PKDREJ: variants seen among roughly 807,000 people sequenced by gnomAD.
The protein encoded by PKDREJ is PKD and REJ homolog.
For missense variants in PKDREJ, 2,507 were observed against 2,807.2 expected (o/e 0.89, Z 2.42); for synonymous variants, 1,031 against 1,095.5 (o/e 0.94, Z 1.16).
rs1936707365 is a variant in PKDREJ, at chr22:46,262,402, G to C, written c.921C>G (p.Phe307Leu). 1 of 1,613,920 alleles carries C rather than the reference G, an allele frequency of 6.2e-7. No individual in the cohort carries two copies. Among genetic ancestry groups the C allele is most frequent in the Non-Finnish European group, 8.5e-7 (1 of 1,179,906 alleles). ...GGTTCCCTGTGGTGATGGACACCGT[G>C]AAATTAAACACATACACTCCCCACT... Reference protein sequence around the residue: ...SLQWGVYVFNFTVSITTGNPK... With the variant: ...SLQWGVYVFNLTVSITTGNPK... Residue 307 changes from phenylalanine to leucine, a missense_variant, in exon 1 of 1, where the codon TTC becomes TTG. Phe to Leu is a conservative substitution (Grantham distance 22). Coordinates refer to ENST00000253255, the MANE Select transcript of PKDREJ (RefSeq NM_006071.2). This position sits in a 1 kb window ranked among gnomAD's most constrained non-coding sequence, Gnocchi z 8.1.
rs145798089 is a variant in PKDREJ, at chr22:46,259,117, A to G, written c.4206T>C (p.Leu1402=). 317 of 1,613,906 alleles carry G rather than the reference A, an allele frequency of 2.0e-4. 1 individual carries two copies. In the African/African-American group the frequency reaches 3.7e-3, roughly 19 times the overall value. ...CCLAMLLSSL[L]CNIMFFNLNR... The stretch of plus-strand genomic sequence containing the variant: ...TTAGATTAAAGAACATAATGTTACA[A>G]AGAAGAGAGCTAAGCAACATTGCTA... The change falls in exon 1 of 1, where the codon CTT becomes CTC. Residue 1402 remains leucine (L), a synonymous_variant. Coordinates refer to ENST00000253255, the MANE Select transcript of PKDREJ (RefSeq NM_006071.2). The surrounding 1 kb of genome is among the most constrained non-coding windows in gnomAD (Gnocchi z 6.8).
Position 46,256,630 on chromosome 22 carries a change from G to C in PKDREJ, c.6693C>G (p.Asn2231Lys), listed in dbSNP as rs1224072926. The part of the protein sequence containing the change: ...IDMLYGQPEK[N>K]SHRYLGLKTR... ...TCTTCAGCCCCAGATAACGGTGGCTGTTCTTCTCTGGCTGCCCATACAGCA... is the reference window on the plus strand; with the variant it reads ...TCTTCAGCCCCAGATAACGGTGGCTCTTCTTCTCTGGCTGCCCATACAGCA... Residue 2231 changes from asparagine to lysine, a missense_variant, in exon 1 of 1, where the codon AAC (asparagine) becomes AAG (lysine). Physicochemically the swap from Asn to Lys is moderately conservative, Grantham distance 94. Transcript: ENST00000253255. This position sits in a 1 kb window ranked among gnomAD's most constrained non-coding sequence, Gnocchi z 5.3. 1.9e-6 allele frequency: 3 copies of C among 1,614,066 alleles called. No homozygotes were observed. The highest frequency in any genetic ancestry group is 4.5e-5 in the East Asian group (2 of 44,900).
chr22:46,262,230 C>G lies in PKDREJ; in HGVS notation c.1093G>C (p.Asp365His), dbSNP rs143216171. ...ILDGSTSSDPDADSPLQGLQF... is the reference protein window; with the variant it reads ...ILDGSTSSDPHADSPLQGLQF... ...AGTCCCTGTAACGGGCTGTCCGCAT[C>G]TGGGTCCGAGGACGTGGACCCGTCC... Residue 365 changes from aspartate to histidine, a missense_variant, in exon 1 of 1, where the codon GAT becomes CAT. Transcript: ENST00000253255. This position sits in a 1 kb window ranked among gnomAD's most constrained non-coding sequence, Gnocchi z 8.1. The G allele has an allele frequency of 3.1e-6, 5 of 1,614,212 alleles. No individual in the cohort carries two copies. The highest frequency in any genetic ancestry group is 3.4e-6 in the Non-Finnish European group (4 of 1,180,042).
chr22:46,258,522 T>G lies in PKDREJ; in HGVS notation c.4801A>C (p.Thr1601Pro). ...TCTATTGACTTGTCATAGCCGTAAG[T>G]CAGTCCATAAAATACAATGAAGAAT... ...SSFFIVFYGL[T>P]YGYDKSIEWL... Residue 1601 changes from threonine (T) to proline (P), a missense_variant, in exon 1 of 1, where the codon ACT (threonine) becomes CCT (proline). Physicochemically the swap from Thr to Pro is conservative, Grantham distance 38. Transcript: ENST00000253255. This position sits in a 1 kb window ranked among gnomAD's most constrained non-coding sequence, Gnocchi z 6.1. The G allele has an allele frequency of 6.2e-7, 1 of 1,614,180 alleles. No homozygotes were observed. The highest frequency in any genetic ancestry group is 1.6e-4 in the Middle Eastern group (1 of 6,062).
chr22:46,261,509 C>T lies in PKDREJ; in HGVS notation c.1814G>A (p.Ser605Asn). 1.2e-6 allele frequency: 2 copies of T among 1,614,024 alleles called. No individual in the cohort carries two copies. Among genetic ancestry groups the T allele is most frequent in the Non-Finnish European group, 1.7e-6 (2 of 1,179,876 alleles). ...TYKIIVSDLHSVGEISSVKEN... is the reference protein window; with the variant it reads ...TYKIIVSDLHNVGEISSVKEN... ...TTTTACTGAACTGATTTCACCAACA[C>T]TGTGCAAATCAGAAACAATTATTTT... The change falls in exon 1 of 1, where the codon AGT becomes AAT. Residue 605 changes from serine to asparagine, a missense_variant. Transcript: ENST00000253255. The surrounding 1 kb of genome is among the most constrained non-coding windows in gnomAD (Gnocchi z 7.1).
Position 46,257,076 on chromosome 22 carries a change from G to T in PKDREJ, c.6247C>A (p.Gln2083Lys). The change falls in exon 1 of 1, where the codon CAG becomes AAG. Residue 2083 changes from glutamine to lysine, a missense_variant. Coordinates refer to ENST00000253255, the MANE Select transcript of PKDREJ (RefSeq NM_006071.2). The surrounding 1 kb of genome is among the most constrained non-coding windows in gnomAD (Gnocchi z 4.7). ...TGGCAGATGCCAGGGAGGGCAGCCT[G>T]GATGGCCCTCTGAGCCAGGCGCACA... ...YDVRLAQRAI[Q>K]AALPGICHMA... is the part of the protein sequence containing the mutation. 6.2e-7 allele frequency: 1 copy of T among 1,613,916 alleles called. No individual in the cohort carries two copies.
chr22:46,260,334 C>T lies in PKDREJ; in HGVS notation c.2989G>A (p.Val997Ile), dbSNP rs1026087199. 3 of 1,614,112 alleles carry T rather than the reference C, an allele frequency of 1.9e-6. No individual in the cohort carries two copies. The African/African-American group carries it at 4.0e-5, about 22-fold the overall frequency. ...FQVDSTVLRE[V>I]LVHIVTEVMV... ...ACTTCTGTTACTATGTGGACCAGAA[C>T]CTCCCTAAGCACTGTGCTGTCCACT... Residue 997 changes from valine to isoleucine, a missense_variant, in exon 1 of 1, where the codon GTT (valine) becomes ATT (isoleucine). Transcript: ENST00000253255. This position sits in a 1 kb window ranked among gnomAD's most constrained non-coding sequence, Gnocchi z 4.5.
rs753482284 is a variant in PKDREJ at position 46,257,091 on chromosome 22, C to A, written c.6232G>T (p.Ala2078Ser). The stretch of plus-strand genomic sequence containing the variant: ...AGGGCAGCCTGGATGGCCCTCTGAG[C>A]CAGGCGCACATCGTAGAAGAATCTG... ...YSRFFYDVRLAQRAIQAALPG... is the reference protein window; with the variant it reads ...YSRFFYDVRLSQRAIQAALPG... Residue 2078 changes from alanine to serine, a missense_variant, in exon 1 of 1, where the codon GCT (alanine) becomes TCT (serine). Physicochemically the swap from Ala to Ser is moderately conservative, Grantham distance 99. Transcript: ENST00000253255. This position sits in a 1 kb window ranked among gnomAD's most constrained non-coding sequence, Gnocchi z 4.7. The A allele has an allele frequency of 6.2e-7, 1 of 1,613,914 alleles. No individual in the cohort carries two copies.
At position 46,258,989 on chromosome 22, in the gene PKDREJ, GTTA is replaced by G. The variant is rs1295483872; in HGVS notation, c.4331_4333del (p.Ile1444del). 7 of 1,614,122 alleles carry G rather than the reference GTTA, an allele frequency of 4.3e-6. No homozygotes were observed. The highest frequency in any genetic ancestry group is 1.3e-5 in the African/African-American group (1 of 75,032). On this transcript the variant is annotated inframe_deletion, in exon 1 of 1. Coordinates refer to ENST00000253255, the MANE Select transcript of PKDREJ (RefSeq NM_006071.2). This position sits in a 1 kb window ranked among gnomAD's most constrained non-coding sequence, Gnocchi z 6.1. The stretch of plus-strand genomic sequence containing the variant: ...CCTCTGGGAACAGGTGAACAAAAAA[GTTA>G]TTAATAATTGCACAGGGATTGTAAT...
At position 46,257,684 on chromosome 22, in the gene PKDREJ, C is replaced by T. The variant is rs745327967; in HGVS notation, c.5639G>A (p.Gly1880Glu). The change falls in exon 1 of 1, where the codon GGA (glycine) becomes GAA (glutamate). Residue 1880 changes from glycine to glutamate, a missense_variant. Physicochemically the swap from Gly to Glu is moderately conservative, Grantham distance 98. Coordinates refer to ENST00000253255, the MANE Select transcript of PKDREJ (RefSeq NM_006071.2). This position sits in a 1 kb window ranked among gnomAD's most constrained non-coding sequence, Gnocchi z 4.7. ...YGLLHTYGSGGYALYFFPEQQ... is the reference protein window; with the variant it reads ...YGLLHTYGSGEYALYFFPEQQ... ...TTCTGGAAAAAAATAGAGTGCATAT[C>T]CTCCAGATCCATAGGTGTGTAGTAG... 4.3e-6 allele frequency: 7 copies of T among 1,614,148 alleles called. No individual in the cohort carries two copies. The highest frequency in any genetic ancestry group is 5.9e-6 in the Non-Finnish European group (7 of 1,179,998).
At position 46,260,549 on chromosome 22, in the gene PKDREJ, G is replaced by C; in HGVS notation, c.2774C>G (p.Ser925Trp). Residue 925 changes from serine to tryptophan, a missense_variant, in exon 1 of 1, where the codon TCG becomes TGG. By Grantham distance (177) the Ser-to-Trp change is radical (BLOSUM62 -3). Coordinates refer to ENST00000253255, the MANE Select transcript of PKDREJ (RefSeq NM_006071.2). This position sits in a 1 kb window ranked among gnomAD's most constrained non-coding sequence, Gnocchi z 4.5. Reference protein sequence around the residue: ...FPWLNDQENTSVEVSGFRMTG... With the variant: ...FPWLNDQENTWVEVSGFRMTG... ...CATTCTGAATCCAGACACCTCCACC[G>C]AAGTGTTTTCCTGATCATTTAACCA... 6.2e-7 allele frequency: 1 copy of C among 1,614,124 alleles called. No homozygotes were observed. Among genetic ancestry groups the C allele is most frequent in the Non-Finnish European group, 8.5e-7 (1 of 1,180,014 alleles).
At position 46,263,140 on chromosome 22, in the gene PKDREJ, G is replaced by A; in HGVS notation, c.183C>T (p.Pro61=). ...CAGCGCCGCCCGCCCGCACCGCGCT[G>A]GGCCGCAGACTGAGGAGGGCGCGGC... ...RGGRALLSLR[P]SAVRAGGAVL... is the part of the protein sequence containing the mutation. Residue 61 remains proline (P), a synonymous_variant, in exon 1 of 1, where the codon CCC becomes CCT. Coordinates refer to ENST00000253255, the MANE Select transcript of PKDREJ (RefSeq NM_006071.2). The surrounding 1 kb of genome is among the most constrained non-coding windows in gnomAD (Gnocchi z 9.4). 8.1e-7 allele frequency: 1 copy of A among 1,238,408 alleles called. No homozygotes were observed. Among genetic ancestry groups the A allele is most frequent in the Non-Finnish European group, 1.0e-6 (1 of 993,296 alleles). The allele number at this position is 1,238,408 out of a possible 1,614,324, so 76.7% of individuals were successfully genotyped here.
In PKDREJ at chr22:46,259,767, T is replaced by C. The variant is rs1449798182; in HGVS notation, c.3556A>G (p.Thr1186Ala). The stretch of plus-strand genomic sequence containing the variant: ...ATAATGAAAAGCACAGTGAAGAGGG[T>C]CACGGGGTTTTGGTGAAGGCTCTTG... ...IIKSLHQNPV[T>A]LFTVLFIILL... The change falls in exon 1 of 1, where the codon ACC (threonine) becomes GCC (alanine). Residue 1186 changes from threonine (T) to alanine (A), a missense_variant. Thr to Ala is a moderately conservative substitution (Grantham distance 58, BLOSUM62 0). Transcript: ENST00000253255. This position sits in a 1 kb window ranked among gnomAD's most constrained non-coding sequence, Gnocchi z 6.8. 10 of 1,613,920 alleles carry C rather than the reference T, an allele frequency of 6.2e-6. No homozygotes were observed. Among genetic ancestry groups the C allele is most frequent in the Non-Finnish European group, 8.5e-6 (10 of 1,179,996 alleles).
In PKDREJ at chr22:46,259,774, G is replaced by C; in HGVS notation, c.3549C>G (p.Asn1183Lys). Residue 1183 changes from asparagine to lysine, a missense_variant, in exon 1 of 1, where the codon AAC becomes AAG. By Grantham distance (94) the Asn-to-Lys change is moderately conservative. Transcript: ENST00000253255. This position sits in a 1 kb window ranked among gnomAD's most constrained non-coding sequence, Gnocchi z 6.8. ...AAAGCACAGTGAAGAGGGTCACGGG[G>C]TTTTGGTGAAGGCTCTTGATGATGT... Reference protein sequence around the residue: ...RLNIIKSLHQNPVTLFTVLFI... With the variant: ...RLNIIKSLHQKPVTLFTVLFI... The C allele has an allele frequency of 6.2e-7, 1 of 1,614,158 alleles. No individual in the cohort carries two copies. The highest frequency in any genetic ancestry group is 8.5e-7 in the Non-Finnish European group (1 of 1,180,036).
rs1291256513 is a variant in PKDREJ at position 46,262,519 on chromosome 22, A to T, written c.804T>A (p.Gly268=). The stretch of plus-strand genomic sequence containing the variant: ...AGGGCTGCGTCCAGTCGGGCGCCTG[A>T]CCCACGGCGGGCACGGAGAACACCT... ...YWQVFSVPAV[G]QAPDWTQPLD... The change falls in exon 1 of 1, where the codon GGT becomes GGA. Residue 268 remains glycine (G), a synonymous_variant. Coordinates refer to ENST00000253255, the MANE Select transcript of PKDREJ (RefSeq NM_006071.2). The surrounding 1 kb of genome is among the most constrained non-coding windows in gnomAD (Gnocchi z 8.1). 6.3e-7 allele frequency: 1 copy of T among 1,587,612 alleles called. No homozygotes were observed. The highest frequency in any genetic ancestry group is 2.2e-5 in the East Asian group (1 of 44,654).
Position 46,256,592 on chromosome 22 carries a change from T to C in PKDREJ, c.6731A>G (p.Asn2244Ser). The stretch of plus-strand genomic sequence containing the variant: ...AACAAGGTAAACCATTTTCTTCCCG[T>C]TGATGTTTCTGGTCTTCAGCCCCAG... ...RYLGLKTRNI[N>S]GKKMVYLVV is the part of the protein sequence containing the mutation. Residue 2244 changes from asparagine to serine, a missense_variant, in exon 1 of 1, where the codon AAC (asparagine) becomes AGC (serine). Coordinates refer to ENST00000253255, the MANE Select transcript of PKDREJ (RefSeq NM_006071.2). This position sits in a 1 kb window ranked among gnomAD's most constrained non-coding sequence, Gnocchi z 5.3. The C allele has an allele frequency of 6.2e-7, 1 of 1,613,772 alleles. No individual in the cohort carries two copies. The highest frequency in any genetic ancestry group is 1.1e-5 in the South Asian group (1 of 91,010).
In PKDREJ at chr22:46,258,937, T is replaced by C; in HGVS notation, c.4386A>G (p.Val1462=). 2 of 1,614,184 alleles carry C rather than the reference T, an allele frequency of 1.2e-6. No individual in the cohort carries two copies. Among genetic ancestry groups the C allele is most frequent in the Non-Finnish European group, 1.7e-6 (2 of 1,180,026 alleles). The change falls in exon 1 of 1, where the codon GTA becomes GTG. Residue 1462 remains valine (V), a synonymous_variant. Transcript: ENST00000253255. The surrounding 1 kb of genome is among the most constrained non-coding windows in gnomAD (Gnocchi z 6.1). ...QRKPQADLKE[V]SPQKHPLMSE... is the part of the protein sequence containing the mutation. ...ACATTAGAGGATGCTTTTGAGGAGA[T>C]ACCTCCTTTAGATCCGCTTGAGGTT...
chr22:46,262,028 C>T lies in PKDREJ; in HGVS notation c.1295G>A (p.Arg432Lys). The change falls in exon 1 of 1, where the codon AGA (arginine) becomes AAA (lysine). Residue 432 changes from arginine to lysine, a missense_variant. Transcript: ENST00000253255. This position sits in a 1 kb window ranked among gnomAD's most constrained non-coding sequence, Gnocchi z 8.1. Reference sequence around the variant, plus strand: ...CCTAGAGTCCTTCCGAATCACCATTCTGAAGAAATACACGTGGTCGCCTTT... The same window carrying T: ...CCTAGAGTCCTTCCGAATCACCATTTTGAAGAAATACACGTGGTCGCCTTT... ...TLKGDHVYFF[R>K]MVIRKDSRTA... 6.2e-7 allele frequency: 1 copy of T among 1,614,142 alleles called. No homozygotes were observed. The highest frequency in any genetic ancestry group is 8.5e-7 in the Non-Finnish European group (1 of 1,180,004).
chr22:46,260,852 TGAG>T lies in PKDREJ; in HGVS notation c.2468_2470del (p.Pro823del), dbSNP rs749570989. Reference sequence around the variant, plus strand: ...ATAGAAAGGATCTTTAACTACTTGGTGAGGAGAAGTCATTTTAAGAATATTAGA... The same window carrying T: ...ATAGAAAGGATCTTTAACTACTTGGTGAGAAGTCATTTTAAGAATATTAGA... On this transcript the variant is annotated inframe_deletion, in exon 1 of 1. Transcript: ENST00000253255. This position sits in a 1 kb window ranked among gnomAD's most constrained non-coding sequence, Gnocchi z 4.5. The T allele has an allele frequency of 9.9e-6, 16 of 1,613,830 alleles. No individual in the cohort carries two copies. Among genetic ancestry groups the T allele is most frequent in the African/African-American group, 4.0e-5 (3 of 74,926 alleles).
Sources: allele counts gnomAD v4.1 joint callset, GRCh38; gene constraint gnomAD v4.1.1; non-coding constraint Gnocchi (gnomAD v3.1); transcripts MANE v1.5; gene names NCBI Gene and HGNC (gene_info 2026-07-23, HGNC 2026-07-21).